The following PDCD6IP variants were observed in gnomAD, a reference collection of about 807,000 sequenced individuals.
PDCD6IP encodes programmed cell death 6 interacting protein.
Under a neutral mutation model 103.7 loss-of-function variants are expected in PDCD6IP, and 43 were observed. The observed-to-expected ratio is 0.41, with a 90% confidence interval of 0.32 to 0.53. PDCD6IP has a LOEUF of 0.53. Among genes scored for constraint, PDCD6IP ranks in the 20% least tolerant of loss-of-function variants. PDCD6IP has a pLI of 0.16. For missense variants in PDCD6IP, 871 were observed against 1,036.7 expected, an observed-to-expected ratio of 0.84 and a Z score of 2.20; for synonymous variants, 354 against 378.7, an observed-to-expected ratio of 0.93 and a Z score of 0.76.
At chr3:33,804,040 A>G (rs934647263) in intron 1 of PDCD6IP, among the ~76,000 whole-genome samples, 2 of 152,122 alleles carry the variant, frequency 1.3e-5, no homozygotes, top group Non-Finnish European at 2.9e-5. Context: ...TTACTTCATA[A>G]CTGTTGTTTG....
intron 1 of PDCD6IP, among the ~76,000 whole-genome samples, chr3:33,806,206 A>G (rs767164192): frequency 9.2e-5 from 14 of 152,218 alleles, no homozygotes; most frequent in South Asian, 4.1e-4. Context: ...GAGAACATAT[A>G]TAAGTACTTC....
At chr3:33,824,088 T>G (rs569756132) in intron 4 of PDCD6IP, among the ~76,000 whole-genome samples, 31 of 152,306 alleles carry the variant, frequency 2.0e-4, no homozygotes, top group African/African-American at 7.2e-4. Flanking sequence ...TCAGACACTT[T>G]GCTGTTGTAG....
At position 33,818,177 on chromosome 3, in the gene PDCD6IP, G is replaced by A. The variant is rs1322875539; in HGVS notation, c.335-3778G>A. On this transcript the variant is annotated intron_variant, in intron 3 of 17. Transcript: ENST00000307296. ...GGATGGAGGGCAGTGGCATGATCTC[G>A]GCTTACTGCAACCTCTGCCTCTGAG... 4.4e-5 allele frequency among the ~76,000 whole-genome samples: 6 copies of A among 135,206 alleles called. No individual in the cohort carries two copies. The East Asian group carries it at 9.0e-4, about 20-fold the overall frequency. The allele number at this position is 135,206 out of a possible 152,430, so 88.7% of individuals were successfully genotyped here.
At chr3:33,821,064 T>C (rs141648333) in intron 3 of PDCD6IP, among the ~76,000 whole-genome samples, 69 of 152,268 alleles carry the variant, frequency 4.5e-4, no homozygotes, top group Middle Eastern at 3.4e-3. Context: ...TGAAGTGTAG[T>C]GGCATGATCA....
intron 4 of PDCD6IP, among the ~76,000 whole-genome samples, chr3:33,824,056 T>C (rs1697055413): frequency 6.6e-6 from 1 of 152,114 alleles, no homozygotes; most frequent in Non-Finnish European, 1.5e-5. Flanking sequence ...TACCTCCAGT[T>C]CCTTATCTGT....
At chr3:33,826,723 T>G (rs1697134991) in intron 6 of PDCD6IP, 143 bp downstream of exon 6, 4 of 1,392,976 alleles carry the variant, frequency 2.9e-6, no homozygotes, top group Non-Finnish European at 2.8e-6. Flanking sequence ...AAATAGTTTT[T>G]TTTTTTTTTT....
At chr3:33,835,665 C>G (rs1697329490) in intron 7 of PDCD6IP, among the ~76,000 whole-genome samples, 1 of 151,988 alleles carries the variant, frequency 6.6e-6, no homozygotes, top group South Asian at 2.1e-4. Flanking sequence ...TCACAGTGAG[C>G]CGAGATCGCG....
intron 4 of PDCD6IP, among the ~76,000 whole-genome samples, chr3:33,824,291 T>G (rs1697062446): frequency 6.6e-6 from 1 of 151,704 alleles, no homozygotes; most frequent in Non-Finnish European, 1.5e-5. Context: ...GGAGTCTCGC[T>G]CTGTTGCCCA....
chr3:33,843,963 G>A (rs1697532475), intron 10 of PDCD6IP, 149 bp from the exon 11 acceptor site: 1 of 459,984 alleles, frequency 2.2e-6, no homozygotes, highest in Admixed American at 4.4e-5. Context: ...TAACTTAGAT[G>A]TCTGCAAGAA....
In PDCD6IP at chr3:33,866,452, C is replaced by G. The variant is rs781220962; in HGVS notation, c.2534C>G (p.Pro845Arg). 4 of 1,612,264 alleles carry G rather than the reference C, an allele frequency of 2.5e-6. No individual in the cohort carries two copies. In the East Asian group the frequency reaches 6.7e-5, roughly 27 times the overall value. Residue 845 changes from proline (P) to arginine (R), a missense_variant, in exon 18 of 18, where the codon CCA (proline) becomes CGA (arginine). By Grantham distance (103) the Pro-to-Arg change is moderately radical. Transcript: ENST00000307296. ...PVYHQSPGQAPYPGPQQPSYP... is the reference protein window; with the variant it reads ...PVYHQSPGQARYPGPQQPSYP... ...TATCACCAGAGTCCTGGACAGGCTCCATACCCGGGACCCCAGCAGCCTTCA... is the reference window on the plus strand; with the variant it reads ...TATCACCAGAGTCCTGGACAGGCTCGATACCCGGGACCCCAGCAGCCTTCA...
At chr3:33,807,732 T>C (rs1696629304) in intron 1 of PDCD6IP, among the ~76,000 whole-genome samples, 1 of 152,192 alleles carries the variant, frequency 6.6e-6, no homozygotes, top group Non-Finnish European at 1.5e-5. Flanking sequence ...GTGCCACAAT[T>C]TTGGGATGGC....
chr3:33,851,660 A>G (rs943099806), intron 12 of PDCD6IP, among the ~76,000 whole-genome samples: 2 of 151,802 alleles, frequency 1.3e-5, no homozygotes, highest in African/African-American at 4.8e-5. Context: ...CAATGTAGAA[A>G]TGGGGTCTCA....
chr3:33,805,832 C>T (rs1045998126), intron 1 of PDCD6IP, among the ~76,000 whole-genome samples: 19 of 152,022 alleles, frequency 1.2e-4, no homozygotes, highest in African/African-American at 4.3e-4. Context: ...GCAAGCTCCA[C>T]CTCCCAGGTT....
At chr3:33,820,509 G>T (rs1272433542) in intron 3 of PDCD6IP, among the ~76,000 whole-genome samples, 1 of 152,050 alleles carries the variant, frequency 6.6e-6, no homozygotes, top group Non-Finnish European at 1.5e-5. Flanking sequence ...TACATCTCCA[G>T]AACTTTTTCA....
intron 1 of PDCD6IP, among the ~76,000 whole-genome samples, chr3:33,801,498 G>A (rs1696475360): frequency 2.0e-5 from 3 of 152,102 alleles, no homozygotes; most frequent in Non-Finnish European, 4.4e-5. Context: ...TAATGAGAAT[G>A]AGTACTTAAA....
At chr3:33,849,289 G>T (rs963478277) in intron 12 of PDCD6IP, among the ~76,000 whole-genome samples, 6 of 149,182 alleles carry the variant, frequency 4.0e-5, no homozygotes, top group Non-Finnish European at 8.9e-5. Flanking sequence ...TTTTACATTT[G>T]CGTTTCCTTC....
chr3:33,852,925 C>CT (rs200568485), intron 13 of PDCD6IP, among the ~76,000 whole-genome samples, 189 bp downstream of exon 13: 5,115 of 119,618 alleles, frequency 0.043, 168 homozygotes, highest in African/African-American at 0.088. Flanking sequence ...AAAGTCACTT[C>CT]TTTTTTTTTT....
chr3:33,824,475 C>G (rs78382174), intron 4 of PDCD6IP, among the ~76,000 whole-genome samples: 1 of 151,984 alleles, frequency 6.6e-6, no homozygotes, highest in Non-Finnish European at 1.5e-5. Context: ...CCAGGCTGGT[C>G]TTGAACTCCT....
At chr3:33,856,067 G>C (rs927271934) in intron 15 of PDCD6IP, among the ~76,000 whole-genome samples, 1 of 152,176 alleles carries the variant, frequency 6.6e-6, no homozygotes, top group South Asian at 2.1e-4. Flanking sequence ...TCTCATAGGA[G>C]CGCAAACTCT....
Sources: allele counts gnomAD v4.1 joint callset (sites outside exome capture counted in the v4.1 genomes callset), GRCh38; gene constraint gnomAD v4.1.1; transcripts MANE v1.5; gene names NCBI Gene and HGNC (gene_info 2026-07-23, HGNC 2026-07-21).